The following FBF1 variants were observed in gnomAD, a reference collection of about 807,000 sequenced individuals.
The protein encoded by FBF1 is Fas binding factor 1.
In FBF1, 119 loss-of-function variants were observed where a neutral mutation model predicts 147.2. The observed-to-expected ratio is 0.81, with a 90% CI of 0.70 to 0.94. The LOEUF is 0.94. Among genes scored for constraint, FBF1 ranks in the 40% least tolerant of loss-of-function variants. The pLI is 0.00. For missense variants in FBF1, 1,449 were observed against 1,500.8 expected, an observed-to-expected ratio of 0.97 and a Z score of 0.57; for synonymous variants, 601 against 609.0, an observed-to-expected ratio of 0.99 and a Z score of 0.19.
rs968990369 is a variant in FBF1, at chr17:75,910,699, T to C, written c.*24A>G. On this transcript the variant is annotated 3_prime_UTR_variant, in exon 30 of 30. Coordinates refer to ENST00000636174, the MANE Select transcript of FBF1 (RefSeq NM_001319193.2). This position sits in a 1 kb window ranked among gnomAD's most constrained non-coding sequence, Gnocchi z 4.1. ...ACAGTTCTGGGGTCCGAACCCTCTG[T>C]TGGGGAATCGGCTGGGGTCCCACTC... The C allele has an allele frequency of 9.4e-6, 15 of 1,594,594 alleles. No homozygotes were observed. The highest frequency in any genetic ancestry group is 5.2e-5 in the Admixed American group (3 of 57,196).
chr17:75,917,930 C>G lies in FBF1; in HGVS notation c.2386+1G>C. 1 of 1,597,700 alleles carries G rather than the reference C, an allele frequency of 6.3e-7. No homozygotes were observed. The highest frequency in any genetic ancestry group is 8.5e-7 in the Non-Finnish European group (1 of 1,171,580). On this transcript the variant is annotated splice_donor_variant, in intron 22 of 29. Coordinates refer to ENST00000636174, the MANE Select transcript of FBF1 (RefSeq NM_001319193.2). LOFTEE classifies it high-confidence loss of function. The stretch of plus-strand genomic sequence containing the variant: ...GGGGTGGCTGAGAGGGGAGGGCGTA[C>G]CCCGCAGCTGCTCGTCACGCTGCCG...
chr17:75,914,430 C>T, intron 25 of FBF1, 132 bp from the exon 26 acceptor site: 1 of 1,363,156 alleles, frequency 7.3e-7, no homozygotes, highest in Non-Finnish European at 9.7e-7. Context: ...CCAGGGAGAG[C>T]CAGAGAAGCC....
At position 75,912,280 on chromosome 17, in the gene FBF1, C is replaced by A. The variant is rs762715982; in HGVS notation, c.3275G>T (p.Arg1092Leu). ...SALMPPAPTT[R>L]WCSQPPTGLD... is the part of the protein sequence containing the mutation. ...GCCAGTTGGCGGCTGGCTGCACCAA[C>A]GGGTGGTGGGAGCAGGAGGCATGAG... Residue 1092 changes from arginine (R) to leucine (L), a missense_variant, in exon 29 of 30, where the codon CGT becomes CTT. By Grantham distance (102) the Arg-to-Leu change is moderately radical. Transcript: ENST00000636174. 2.5e-6 allele frequency: 4 copies of A among 1,608,008 alleles called. No homozygotes were observed. Among genetic ancestry groups the A allele is most frequent in the Non-Finnish European group, 2.5e-6 (3 of 1,177,616 alleles).
intron 3 of FBF1, among the ~76,000 whole-genome samples, chr17:75,935,967 G>A (rs899777667): frequency 3.3e-5 from 5 of 151,864 alleles, no homozygotes; most frequent in Admixed American, 3.3e-4. Context: ...CCTGAAGTCA[G>A]GAGTTCGAGA....
In FBF1 at chr17:75,913,833, C is replaced by A; in HGVS notation, c.3130-14G>T. Reference sequence around the variant, plus strand: ...ACTCAGATGCTCCTGTCCCCGTTCCCCCAGAAAGAAGGACTCAGCTGTGAG... The same window carrying A: ...ACTCAGATGCTCCTGTCCCCGTTCCACCAGAAAGAAGGACTCAGCTGTGAG... On this transcript the variant is annotated splice_polypyrimidine_tract_variant and intron_variant, in intron 27 of 29. Transcript: ENST00000636174. The A allele has an allele frequency of 6.3e-7, 1 of 1,591,454 alleles. No individual in the cohort carries two copies. The highest frequency in any genetic ancestry group is 1.1e-5 in the South Asian group (1 of 88,242).
intron 1 of FBF1, 166 bp downstream of exon 1, chr17:75,940,682 T>C (rs1350650877): frequency 6.5e-6 from 1 of 153,882 alleles, no homozygotes; most frequent in East Asian, 1.9e-4. Flanking sequence ...GGGGATTTTC[T>C]AGGCTTGGTT....
intron 4 of FBF1, among the ~76,000 whole-genome samples, chr17:75,933,947 TAC>T (rs1256202845): frequency 2.0e-5 from 3 of 152,230 alleles, no homozygotes; most frequent in African/African-American, 7.2e-5. Context: ...AGAGCCATCT[TAC>T]ACTGTTGGTG....
chr17:75,917,841 T>A lies in FBF1; in HGVS notation c.2396A>T (p.Glu799Val). ...GTCCCGCTGCTGCTGGCCCAGCCGC[T>A]CCTGCAGTGCTGGGGGCAACCCACA... Reference protein sequence around the residue: ...QRDEQLRALQERLGQQQRDME... With the variant: ...QRDEQLRALQVRLGQQQRDME... The change falls in exon 23 of 30, where the codon GAG becomes GTG. Residue 799 changes from glutamate (E) to valine (V), a missense_variant. Physicochemically the swap from Glu to Val is moderately radical, Grantham distance 121. Transcript: ENST00000636174. The A allele has an allele frequency of 6.2e-7, 1 of 1,605,346 alleles. No individual in the cohort carries two copies. Among genetic ancestry groups the A allele is most frequent in the Non-Finnish European group, 8.5e-7 (1 of 1,177,106 alleles).
At chr17:75,930,843 A>C (rs560921536) in intron 6 of FBF1, among the ~76,000 whole-genome samples, 1 of 152,084 alleles carries the variant, frequency 6.6e-6, no homozygotes, top group South Asian at 2.1e-4. Context: ...AATCGCTTGA[A>C]CCAGGAGGCG....
chr17:75,912,098 C>A, intron 29 of FBF1, 94 bp downstream of exon 29: 1 of 1,266,826 alleles, frequency 7.9e-7, no homozygotes, highest in South Asian at 1.3e-5. Context: ...CTGGGGTCAC[C>A]CCTCCCCAGG....
At chr17:75,935,724 C>T in intron 3 of FBF1, 51 bp from the exon 4 acceptor site, 1 of 1,508,196 alleles carries the variant, frequency 6.6e-7, no homozygotes, top group East Asian at 2.5e-5. Context: ...AAGAGTGGCC[C>T]TTATAAACAT....
rs866581328 is a variant in FBF1, at chr17:75,910,652, T to A, written c.*71A>T. The A allele has an allele frequency of 4.3e-6, 6 of 1,398,750 alleles. No individual in the cohort carries two copies. The highest frequency in any genetic ancestry group is 5.9e-6 in the Non-Finnish European group (6 of 1,010,106). The allele number at this position is 1,398,750 out of a possible 1,614,324, so 86.6% of individuals were successfully genotyped here. A position where few individuals can be genotyped will look rare whatever the true frequency, so the allele number is the denominator to read the frequency against. On this transcript the variant is annotated 3_prime_UTR_variant, in exon 30 of 30. Coordinates refer to ENST00000636174, the MANE Select transcript of FBF1 (RefSeq NM_001319193.2). The surrounding 1 kb of genome is among the most constrained non-coding windows in gnomAD (Gnocchi z 4.1). ...GAATCCTCCCCAGGCACTGCCTCCA[T>A]GGAGGCAGCCGGAGGAACAGGACAG...
intron 1 of FBF1, among the ~76,000 whole-genome samples, chr17:75,940,204 G>T (rs1028476105): frequency 6.6e-6 from 1 of 150,618 alleles, no homozygotes; most frequent in African/African-American, 2.4e-5. Context: ...GCCTCCCAAA[G>T]TGCTAGGATT....
Position 75,926,769 on chromosome 17 carries a change from A to G in FBF1, c.584T>C (p.Val195Ala). 6.2e-7 allele frequency: 1 copy of G among 1,613,396 alleles called. No homozygotes were observed. The change falls in exon 10 of 30, where the codon GTG becomes GCG. Residue 195 changes from valine to alanine, a missense_variant. Coordinates refer to ENST00000636174, the MANE Select transcript of FBF1 (RefSeq NM_001319193.2). Reference protein sequence around the residue: ...KTASDKSPSTVRDQGPSIPLT... With the variant: ...KTASDKSPSTARDQGPSIPLT... ...CCACTCCACCCTACCTTGATCTCTC[A>G]CTGTGCTGGGGCTCTTGTCAGAAGC...
In FBF1 at chr17:75,914,801, C is replaced by G. The variant is rs2065477814; in HGVS notation, c.2760G>C (p.Glu920Asp). 6.4e-7 allele frequency: 1 copy of G among 1,568,204 alleles called. No homozygotes were observed. The highest frequency in any genetic ancestry group is 1.2e-5 in the South Asian group (1 of 85,506). The change falls in exon 25 of 30, where the codon GAG becomes GAC. Residue 920 changes from glutamate to aspartate, a missense_variant. Transcript: ENST00000636174. ...GCTGGGTGTCCACCTGCAATGCCCGCTCGGCCTCGCGCTCGGCCCGCTCCT... is the reference window on the plus strand; with the variant it reads ...GCTGGGTGTCCACCTGCAATGCCCGGTCGGCCTCGCGCTCGGCCCGCTCCT... ...LSKERAEREA[E>D]RALQVDTQRE...
Position 75,928,235 on chromosome 17 carries a change from A to T in FBF1, c.280-42T>A. On this transcript the variant is annotated intron_variant, in intron 7 of 29. Transcript: ENST00000636174. This position sits in a 1 kb window ranked among gnomAD's most constrained non-coding sequence, Gnocchi z 4.2. Reference sequence around the variant, plus strand: ...GGAGGGCAGAGGACTATGTCTGATAAGGGGCTGAGGACTTCCACCTGAGAG... The same window carrying T: ...GGAGGGCAGAGGACTATGTCTGATATGGGGCTGAGGACTTCCACCTGAGAG... 2 of 1,544,824 alleles carry T rather than the reference A, an allele frequency of 1.3e-6. No homozygotes were observed. Among genetic ancestry groups the T allele is most frequent in the Non-Finnish European group, 1.8e-6 (2 of 1,118,204 alleles).
chr17:75,911,643 G>A lies in FBF1; in HGVS notation c.3363+549C>T, dbSNP rs552701142. On this transcript the variant is annotated intron_variant, in intron 29 of 29. Transcript: ENST00000636174. The stretch of plus-strand genomic sequence containing the variant: ...AAGTGATCCTCTTACCTCAGCCTCC[G>A]GAGTAGCTGGGAGTACAGGTGTATG... Among the ~76,000 whole-genome samples the A allele has an allele frequency of 2.9e-4, 44 of 152,122 alleles. 1 individual carries two copies. Among genetic ancestry groups the A allele is most frequent in the South Asian group, 2.1e-3 (10 of 4,808 alleles).
intron 1 of FBF1, among the ~76,000 whole-genome samples, chr17:75,938,444 G>A (rs940962840): frequency 3.4e-5 from 5 of 147,780 alleles, no homozygotes; most frequent in African/African-American, 7.6e-5. Context: ...CTGTAATCCC[G>A]CAGCAGGAGG....
Position 75,910,279 on chromosome 17 carries a change from C to A in FBF1, c.*444G>T. 4 of 344,704 alleles carry A rather than the reference C, an allele frequency of 1.2e-5. No individual in the cohort carries two copies. The highest frequency in any genetic ancestry group is 2.3e-5 in the Non-Finnish European group (4 of 176,254). The allele number at this position is 344,704 out of a possible 1,614,324, so 21.4% of individuals were successfully genotyped here. On this transcript the variant is annotated 3_prime_UTR_variant, in exon 30 of 30. Coordinates refer to ENST00000636174, the MANE Select transcript of FBF1 (RefSeq NM_001319193.2). This position sits in a 1 kb window ranked among gnomAD's most constrained non-coding sequence, Gnocchi z 4.1. The stretch of plus-strand genomic sequence containing the variant: ...CTTCTCCAGCTCATCAGGGAGGGAA[C>A]TGCTCTGGCAGGGAGTAGGGAAGGC...
Sources: gnomAD v4.1 joint callset for allele counts (sites outside exome capture counted in the v4.1 genomes callset) on GRCh38, gnomAD v4.1.1 for gene constraint, Gnocchi (gnomAD v3.1) non-coding constraint, MANE v1.5 for transcripts, NCBI Gene and HGNC (gene_info 2026-07-23, HGNC 2026-07-21) for gene names.